The following ARHGAP20 variants were observed in gnomAD, a reference collection of about 807,000 sequenced individuals.
ARHGAP20 encodes Rho GTPase activating protein 20, also known as rho GTPase-activating protein 20.
In ARHGAP20, 34 loss-of-function variants were observed where a neutral mutation model predicts 73.7. The observed-to-expected ratio is 0.46, with a 90% CI of 0.35 to 0.61. The LOEUF (loss-of-function observed/expected upper bound fraction) is 0.61. Among genes scored for constraint, ARHGAP20 ranks in the 20% least tolerant of loss-of-function variants. The probability of loss-of-function intolerance (pLI) is 0.00; values close to 1 mark genes in which losing one functional copy is unlikely to be tolerated. For missense variants in ARHGAP20, 1,314 were observed against 1,420.9 expected, an observed-to-expected ratio of 0.92 and a Z score of 1.21; for synonymous variants, 523 against 518.2, an observed-to-expected ratio of 1.01 and a Z score of -0.13.
At chr11:110,654,407 C>T (rs979967799) in intron 2 of ARHGAP20, among the ~76,000 whole-genome samples, 1 of 152,126 alleles carries the variant, frequency 6.6e-6, no homozygotes, top group East Asian at 1.9e-4. Context: ...AGATTAATCA[C>T]AATGATCACA....
Position 110,577,065 on chromosome 11 carries a change from C to T in ARHGAP20, c.*2305G>A. 1 of 1,465,396 alleles carries T rather than the reference C, an allele frequency of 6.8e-7. No homozygotes were observed. Among genetic ancestry groups the T allele is most frequent in the Non-Finnish European group, 9.2e-7 (1 of 1,091,940 alleles). The allele number at this position is 1,465,396 out of a possible 1,614,324, so 90.8% of individuals were successfully genotyped here. On this transcript the variant is annotated 3_prime_UTR_variant, in exon 15 of 15. Coordinates refer to ENST00000683387, the MANE Select transcript of ARHGAP20 (RefSeq NM_001384657.1). ...TGGGATGGTTAATTCTGCAGAATGG[C>T]ATTTTATTTAACAGACAGCATGGAC...
intron 7 of ARHGAP20, among the ~76,000 whole-genome samples, 195 bp from the exon 8 acceptor site, chr11:110,609,245 C>G (rs1312123337): frequency 6.6e-6 from 1 of 152,010 alleles, no homozygotes; most frequent in Admixed American, 6.6e-5. Flanking sequence ...TAGCTGGGCC[C>G]CTTTATAAAG....
intron 11 of ARHGAP20, among the ~76,000 whole-genome samples, chr11:110,587,097 T>C (rs1041847367): frequency 5.3e-5 from 8 of 152,184 alleles, no homozygotes; most frequent in Non-Finnish European, 1.0e-4. Context: ...ACAAACAGGA[T>C]ATGACCAAGT....
intron 2 of ARHGAP20, among the ~76,000 whole-genome samples, chr11:110,644,349 G>A (rs1485369681): frequency 1.3e-5 from 2 of 151,946 alleles, no homozygotes; most frequent in African/African-American, 2.4e-5. Context: ...AATAGTCAAA[G>A]CAATCCTAAG....
chr11:110,614,978 A>G (rs1470418653), intron 5 of ARHGAP20, among the ~76,000 whole-genome samples: 1 of 152,168 alleles, frequency 6.6e-6, no homozygotes, highest in Non-Finnish European at 1.5e-5. Flanking sequence ...GAACATATAT[A>G]ATAAATATTT....
intron 2 of ARHGAP20, among the ~76,000 whole-genome samples, chr11:110,669,672 C>T (rs918774501): frequency 2.6e-5 from 4 of 152,098 alleles, no homozygotes; most frequent in Middle Eastern, 3.4e-3. Flanking sequence ...CAAGTGTTGA[C>T]GAAGATGTGG....
At chr11:110,609,144 T>A in intron 7 of ARHGAP20, 94 bp from the exon 8 acceptor site, 1 of 1,024,246 alleles carries the variant, frequency 9.8e-7, no homozygotes, top group South Asian at 1.4e-5. Context: ...GTGTCCTCCC[T>A]CCTGCCCCCT....
At chr11:110,673,558 T>C (rs1169254831) in intron 2 of ARHGAP20, among the ~76,000 whole-genome samples, 1 of 152,158 alleles carries the variant, frequency 6.6e-6, no homozygotes, top group Non-Finnish European at 1.5e-5. Flanking sequence ...CTAGGAAATA[T>C]CTAAAGATAA....
chr11:110,698,034 A>T (rs1258689069), intron 1 of ARHGAP20, among the ~76,000 whole-genome samples: 1 of 151,720 alleles, frequency 6.6e-6, no homozygotes, highest in Non-Finnish European at 1.5e-5. Flanking sequence ...TTTTAATGAT[A>T]CTGATTTTTC....
chr11:110,709,469 A>G (rs1950607521), intron 1 of ARHGAP20, among the ~76,000 whole-genome samples: 1 of 152,238 alleles, frequency 6.6e-6, no homozygotes, highest in Non-Finnish European at 1.5e-5. Flanking sequence ...AAATAAGAAA[A>G]TATCAGGCCA....
chr11:110,580,443 C>T lies in ARHGAP20; in HGVS notation c.2503G>A (p.Ala835Thr), dbSNP rs1258250869. Residue 835 changes from alanine to threonine, a missense_variant, in exon 15 of 15, where the codon GCC (alanine) becomes ACC (threonine). Ala to Thr is a moderately conservative substitution (Grantham distance 58). Coordinates refer to ENST00000683387, the MANE Select transcript of ARHGAP20 (RefSeq NM_001384657.1). ...CGATGTGTCCTTGGACCCTTGAGGG[C>T]ATCTGCTGTGTGTGGTGGGGAGTAT... is the stretch of plus-strand genomic sequence containing the variant. Reference protein sequence around the residue: ...SGYSPPHTADALKGPRTHRRC... With the variant: ...SGYSPPHTADTLKGPRTHRRC... 53 of 1,613,998 alleles carry T rather than the reference C, an allele frequency of 3.3e-5. No homozygotes were observed. The highest frequency in any genetic ancestry group is 4.3e-5 in the Non-Finnish European group (51 of 1,180,030).
At chr11:110,678,359 C>T (rs1490324304) in intron 2 of ARHGAP20, among the ~76,000 whole-genome samples, 1 of 152,134 alleles carries the variant, frequency 6.6e-6, no homozygotes, top group Non-Finnish European at 1.5e-5. Context: ...TGAATTATAC[C>T]ATAAGAACTG....
At chr11:110,589,890 G>T (rs1221170888) in intron 11 of ARHGAP20, among the ~76,000 whole-genome samples, 1 of 152,192 alleles carries the variant, frequency 6.6e-6, no homozygotes, top group Admixed American at 6.5e-5. Context: ...GGAGGCTGAC[G>T]CAGGTGGATC....
At chr11:110,689,519 G>A (rs146672389) in intron 2 of ARHGAP20, among the ~76,000 whole-genome samples, 14 of 151,926 alleles carry the variant, frequency 9.2e-5, no homozygotes, top group Non-Finnish European at 1.6e-4. Flanking sequence ...AAAAATTAAC[G>A]AATAAATTAA....
Position 110,577,310 on chromosome 11 carries a change from A to G in ARHGAP20, c.*2060T>C. The G allele has an allele frequency of 1.5e-6, 2 of 1,299,544 alleles. No homozygotes were observed. The highest frequency in any genetic ancestry group is 9.8e-7 in the Non-Finnish European group (1 of 1,022,006). 80.5% of individuals were successfully genotyped at this position (1,299,544 alleles called of 1,614,324 possible). ...ATGACATATAGTCTGTCTTCAAATC[A>G]TACAATATAATACTTTACAGCAATA... On this transcript the variant is annotated 3_prime_UTR_variant, in exon 15 of 15. Coordinates refer to ENST00000683387, the MANE Select transcript of ARHGAP20 (RefSeq NM_001384657.1).
intron 2 of ARHGAP20, among the ~76,000 whole-genome samples, chr11:110,639,130 A>G (rs1307032792): frequency 6.6e-6 from 1 of 152,060 alleles, no homozygotes; most frequent in Non-Finnish European, 1.5e-5. Context: ...TAACATATGG[A>G]GTAAATAAGT....
Position 110,606,621 on chromosome 11 carries a change from C to G in ARHGAP20, c.904G>C (p.Glu302Gln). The change falls in exon 9 of 15, where the codon GAG (glutamate) becomes CAG (glutamine). Residue 302 changes from glutamate (E) to glutamine (Q), a missense_variant. Coordinates refer to ENST00000683387, the MANE Select transcript of ARHGAP20 (RefSeq NM_001384657.1). ...EPFLMEQLPR[E>Q]MQCQFILKPS... ...TTCAGGATGAACTGGCACTGCATCTCTCGGGGGAGCTGTTCCATAAGGAAG... is the reference window on the plus strand; with the variant it reads ...TTCAGGATGAACTGGCACTGCATCTGTCGGGGGAGCTGTTCCATAAGGAAG... 1 of 1,612,770 alleles carries G rather than the reference C, an allele frequency of 6.2e-7. No individual in the cohort carries two copies. Among genetic ancestry groups the G allele is most frequent in the Non-Finnish European group, 8.5e-7 (1 of 1,179,636 alleles).
intron 3 of ARHGAP20, among the ~76,000 whole-genome samples, chr11:110,624,813 T>C (rs564426131): frequency 1.1e-4 from 16 of 152,160 alleles, no homozygotes; most frequent in Admixed American, 5.9e-4. Context: ...AAACAGTTAG[T>C]CCTCATGCCT....
chr11:110,578,079 T>G lies in ARHGAP20; in HGVS notation c.*1291A>C, dbSNP rs1324484124. 1 of 985,330 alleles carries G rather than the reference T, an allele frequency of 1.0e-6. No individual in the cohort carries two copies. The highest frequency in any genetic ancestry group is 1.2e-6 in the Non-Finnish European group (1 of 829,944). The allele number at this position is 985,330 out of a possible 1,614,324, so 61.0% of individuals were successfully genotyped here. On this transcript the variant is annotated 3_prime_UTR_variant, in exon 15 of 15. Coordinates refer to ENST00000683387, the MANE Select transcript of ARHGAP20 (RefSeq NM_001384657.1). ...TTTTAGTGCCATCCCTGCATACTAG[T>G]TGGCAAGGCCTGATAATCTATTCCT...
Sources: gnomAD v4.1 joint callset for allele counts (sites outside exome capture counted in the v4.1 genomes callset) on GRCh38, gnomAD v4.1.1 for gene constraint, MANE v1.5 for transcripts, NCBI Gene and HGNC (gene_info 2026-07-23, HGNC 2026-07-21) for gene names.